RERE: variants seen among roughly 807,000 people sequenced by gnomAD.
RERE encodes the protein arginine-glutamic acid dipeptide repeats, also known as arginine-glutamic acid dipeptide repeats protein.
RERE carries 40 observed loss-of-function variants against 146.1 expected under a neutral mutation model. That is an observed-to-expected ratio of 0.27 (90% CI 0.21 to 0.36). The LOEUF (loss-of-function observed/expected upper bound fraction) is 0.36, where lower values mean the gene tolerates loss of function less well. RERE is among the 10% of genes least tolerant of loss of function. RERE has a pLI of 1.00. For synonymous variants in RERE, 1,003 were observed against 866.0 expected (o/e 1.16, Z -2.78); for missense variants, 1,933 against 2,138.7 (o/e 0.90, Z 1.90).
chr1:8,726,147 C>CTTTTTTTTTTTTTTTTTTTTTTTTTTTT (rs70985511), intron 1 of RERE, among the ~76,000 whole-genome samples: 2 of 69,406 alleles, frequency 2.9e-5, no homozygotes, highest in African/African-American at 1.3e-4. Context: ...TTTTTCTTTT[C>CTTTTTTTTTTTTTTTTTTTTTTTTTTTT]TTTTTTTTTT....
At position 8,359,808 on chromosome 1, in the gene RERE, GCTCCTTCTCCTT is replaced by G. The variant is rs147985313; in HGVS notation, c.3562_3573del (p.Lys1188_Glu1191del). On this transcript the variant is annotated inframe_deletion, in exon 19 of 23. Transcript: ENST00000400908. ...CGCTCCCGCTCTCGCTCCCGCTCCCGCTCCTTCTCCTTCTCCTTCTCCCGCTCTCGCTCCTCT... is the reference window on the plus strand; with the variant it reads ...CGCTCCCGCTCTCGCTCCCGCTCCCGCTCCTTCTCCCGCTCTCGCTCCTCT... The G allele has an allele frequency of 2.6e-5, 42 of 1,604,454 alleles. No homozygotes were observed. The highest frequency in any genetic ancestry group is 3.2e-5 in the Non-Finnish European group (38 of 1,179,066).
intron 4 of RERE, among the ~76,000 whole-genome samples, chr1:8,574,340 C>CTTTTTTT (rs35921166): frequency 4.6e-5 from 4 of 87,218 alleles, no homozygotes; most frequent in Non-Finnish European, 6.2e-5. Flanking sequence ...TATATATAGT[C>CTTTTTTT]TTTTTTTTTT....
intron 4 of RERE, among the ~76,000 whole-genome samples, chr1:8,593,113 G>A (rs771061641): frequency 1.1e-4 from 16 of 152,330 alleles, no homozygotes; most frequent in Non-Finnish European, 2.1e-4. Flanking sequence ...GTGGCAGAGA[G>A]TGCTTGTTCC....
chr1:8,694,973 AG>A (rs57215572), intron 1 of RERE, among the ~76,000 whole-genome samples: 571 of 33,112 alleles, frequency 0.017, 34 homozygotes, highest in Middle Eastern at 0.033. Flanking sequence ...AGAAATCCTA[AG>A]GGGGGGGGGG....
rs1355945847 is a variant in RERE, at chr1:8,647,098, A to G, written c.325+8875T>C. On this transcript the variant is annotated intron_variant, in intron 2 of 22. Coordinates refer to ENST00000400908, the MANE Select transcript of RERE (RefSeq NM_001042681.2). Reference sequence around the variant, plus strand: ...CTCAAAAAGAAATGAAAAAGAGGTAACACGACCCTGCCAACACCTTGCTGT... The same window carrying G: ...CTCAAAAAGAAATGAAAAAGAGGTAGCACGACCCTGCCAACACCTTGCTGT... Among the ~76,000 whole-genome samples the G allele has an allele frequency of 3.3e-5, 5 of 152,184 alleles. No homozygotes were observed. The East Asian group carries it at 9.6e-4, about 29-fold the overall frequency.
In RERE at chr1:8,720,710, G is replaced by T. The variant is rs184495798; in HGVS notation, c.-144-64269C>A. Among the ~76,000 whole-genome samples, 3 of 152,286 alleles carry T rather than the reference G, an allele frequency of 2.0e-5. No individual in the cohort carries two copies. The East Asian group carries it at 5.8e-4, about 29-fold the overall frequency. On this transcript the variant is annotated intron_variant, in intron 1 of 22. Transcript: ENST00000400908. ...GTATAACCCCAAGAGTAGACAAGAA[G>T]CACACATCCCAAAATACGTTACTTG...
chr1:8,687,869 A>G (rs1184111618), intron 1 of RERE, among the ~76,000 whole-genome samples: 2 of 152,250 alleles, frequency 1.3e-5, no homozygotes, highest in South Asian at 4.1e-4. Flanking sequence ...TCTTATTCAC[A>G]GAAGTACAAA....
intron 7 of RERE, among the ~76,000 whole-genome samples, chr1:8,514,671 T>C (rs1645389404): frequency 6.6e-6 from 1 of 151,138 alleles, no homozygotes; most frequent in African/African-American, 2.4e-5. Context: ...GAGGTTACAG[T>C]GAGCTGAGGT....
chr1:8,552,648 C>T (rs1274105952), intron 6 of RERE, among the ~76,000 whole-genome samples: 1 of 152,190 alleles, frequency 6.6e-6, no homozygotes, highest in Non-Finnish European at 1.5e-5. Context: ...ACACCCCAAA[C>T]ATTTTTTAAG....
intron 1 of RERE, chr1:8,805,907 A>T (rs111901906): frequency 1.4e-3 from 189 of 139,244 alleles, no homozygotes; most frequent in African/African-American, 5.0e-3. Flanking sequence ...GCTGGAGTGC[A>T]ATGGCGCGAT....
intron 10 of RERE, among the ~76,000 whole-genome samples, chr1:8,492,341 T>C (rs919769284): frequency 1.1e-4 from 16 of 152,146 alleles, no homozygotes; most frequent in Non-Finnish European, 1.8e-4. Flanking sequence ...GGGGAATAAA[T>C]CATATACATT....
At chr1:8,497,346 C>A (rs1645058832) in intron 9 of RERE, 59 bp downstream of exon 9, 1 of 1,593,996 alleles carries the variant, frequency 6.3e-7, no homozygotes, top group African/African-American at 1.3e-5. Flanking sequence ...AAGTTTACTG[C>A]CTATAATCAG....
At chr1:8,366,406 G>A (rs1313442777) in intron 12 of RERE, among the ~76,000 whole-genome samples, 1 of 152,228 alleles carries the variant, frequency 6.6e-6, no homozygotes, top group Non-Finnish European at 1.5e-5. Flanking sequence ...TTACAGTAAT[G>A]CCAGTGAAAT....
intron 10 of RERE, among the ~76,000 whole-genome samples, chr1:8,473,052 G>A (rs543491377): frequency 6.6e-6 from 1 of 152,258 alleles, no homozygotes; most frequent in East Asian, 1.9e-4. Flanking sequence ...CAATCCACCA[G>A]CCTTTCAAGT....
intron 11 of RERE, among the ~76,000 whole-genome samples, chr1:8,449,196 C>T (rs571685546): frequency 1.6e-4 from 24 of 152,142 alleles, no homozygotes; most frequent in African/African-American, 5.8e-4. Flanking sequence ...ATGTTCCTTA[C>T]AAAGAGGAAA....
At chr1:8,361,519 T>G (rs771112264) in intron 17 of RERE, 29 bp from the exon 18 acceptor site, 2 of 1,605,464 alleles carry the variant, frequency 1.2e-6, no homozygotes, top group Non-Finnish European at 1.7e-6. Flanking sequence ...AGGATGGAAG[T>G]CCCAGGAGGG....
At chr1:8,412,889 G>C (rs542661643) in intron 12 of RERE, among the ~76,000 whole-genome samples, 5 of 152,312 alleles carry the variant, frequency 3.3e-5, no homozygotes, top group Admixed American at 3.3e-4. Flanking sequence ...TTTCAAAGCA[G>C]ATCAGGTGGA....
chr1:8,418,007 G>C (rs1643825015), intron 12 of RERE, among the ~76,000 whole-genome samples: 1 of 152,082 alleles, frequency 6.6e-6, no homozygotes, highest in Admixed American at 6.5e-5. Context: ...AGCTTTCCAG[G>C]AGCCTCTGTG....
chr1:8,429,511 T>C (rs1644064340), intron 11 of RERE, among the ~76,000 whole-genome samples: 1 of 152,212 alleles, frequency 6.6e-6, no homozygotes, highest in Non-Finnish European at 1.5e-5. Flanking sequence ...TCATCCCAGG[T>C]GCTGGACCTG....
Sources: gnomAD v4.1 joint callset for allele counts (sites outside exome capture counted in the v4.1 genomes callset) on GRCh38, gnomAD v4.1.1 for gene constraint, MANE v1.5 for transcripts, NCBI Gene and HGNC (gene_info 2026-07-23, HGNC 2026-07-21) for gene names.